Variants in CRTAC1 observed in about 807,000 individuals in gnomAD.
The protein encoded by CRTAC1 is acidic secreted protein in cartilage.
Under a neutral mutation model 67.8 loss-of-function variants are expected in CRTAC1, and 37 were observed. The ratio of observed to expected loss-of-function variants is 0.55; its 90% CI spans 0.42 to 0.72. The LOEUF (loss-of-function observed/expected upper bound fraction) is 0.72. Ranked by LOEUF, CRTAC1 falls within the 30% of genes least tolerant of loss-of-function variation. The probability of loss-of-function intolerance (pLI) is 0.00; values close to 1 mark genes in which losing one functional copy is unlikely to be tolerated. For missense variants in CRTAC1, 780 were observed against 931.6 expected, an observed-to-expected ratio of 0.84 and a Z score of 2.12; for synonymous variants, 348 against 371.0, an observed-to-expected ratio of 0.94 and a Z score of 0.71.
chr10:97,963,927 C>A (rs532075455), intron 2 of CRTAC1, among the ~76,000 whole-genome samples: 1 of 152,160 alleles, frequency 6.6e-6, no homozygotes, highest in East Asian at 1.9e-4. Flanking sequence ...GGAGTTCAAA[C>A]CCAGGTTTGT....
intron 2 of CRTAC1, among the ~76,000 whole-genome samples, chr10:97,989,682 C>A (rs1319346605): frequency 6.6e-6 from 1 of 152,198 alleles, no homozygotes; most frequent in Non-Finnish European, 1.5e-5. Flanking sequence ...TATTGGAGAA[C>A]TTTAATACCG....
rs1843320223 is a variant in CRTAC1, at chr10:98,029,543, T to G, written c.24+906A>C. On this transcript the variant is annotated intron_variant, in intron 1 of 14. Coordinates refer to ENST00000370597, the MANE Select transcript of CRTAC1 (RefSeq NM_018058.7). The surrounding 1 kb of genome is among the most constrained non-coding windows in gnomAD (Gnocchi z 4.7). Reference sequence around the variant, plus strand: ...GGCGGCGGCGGCAGCAGCAGCAATATTCATTAGTCATTCCTGGAGGAAGCC... The same window carrying G: ...GGCGGCGGCGGCAGCAGCAGCAATAGTCATTAGTCATTCCTGGAGGAAGCC... 7.7e-6 allele frequency among the ~76,000 whole-genome samples: 1 copy of G among 129,910 alleles called. No individual in the cohort carries two copies. The highest frequency in any genetic ancestry group is 2.7e-5 in the African/African-American group (1 of 36,440). 85.2% of individuals were successfully genotyped at this position (129,910 alleles called of 152,430 possible).
At chr10:97,942,924 T>C (rs1413343644) in intron 2 of CRTAC1, among the ~76,000 whole-genome samples, 2 of 151,854 alleles carry the variant, frequency 1.3e-5, no homozygotes, top group African/African-American at 4.8e-5. Flanking sequence ...ATAAAAAATT[T>C]AGCCGGGTGT....
intron 3 of CRTAC1, among the ~76,000 whole-genome samples, chr10:97,932,348 A>G (rs2136608846): frequency 1.3e-5 from 2 of 152,232 alleles, no homozygotes; most frequent in South Asian, 4.1e-4. Context: ...TGTTCATTCA[A>G]AAATACGTAT....
chr10:97,884,548 G>C (rs953062852), intron 11 of CRTAC1, 197 bp from the exon 12 acceptor site: 2 of 596,526 alleles, frequency 3.4e-6, no homozygotes, highest in Non-Finnish European at 5.9e-6. Context: ...CTGTCTGTCT[G>C]CAAGGACAGA....
At chr10:97,910,303 G>A (rs999902241) in intron 5 of CRTAC1, among the ~76,000 whole-genome samples, 2 of 152,166 alleles carry the variant, frequency 1.3e-5, no homozygotes, top group Non-Finnish European at 2.9e-5. Context: ...CATGTTGTAC[G>A]ATGAGCTGTA....
intron 1 of CRTAC1, among the ~76,000 whole-genome samples, chr10:98,021,006 T>TTCAC (rs1237734309): frequency 7.1e-6 from 1 of 141,796 alleles, no homozygotes; most frequent in Non-Finnish European, 1.5e-5. Context: ...GAGGCCACTA[T>TTCAC]TCACTCATTC....
Position 97,882,674 on chromosome 10 carries a change from G to C in CRTAC1, c.1675+112C>G, listed in dbSNP as rs1564875921. The C allele has an allele frequency of 3.6e-6, 4 of 1,112,202 alleles. No individual in the cohort carries two copies. The African/African-American group carries it at 6.1e-5, about 17-fold the overall frequency. 68.9% of individuals were successfully genotyped at this position (1,112,202 alleles called of 1,614,324 possible). A position where few individuals can be genotyped will look rare whatever the true frequency, so the allele number is the denominator to read the frequency against. ...CCCAGGACAAACAACACCCTCCCCT[G>C]TCCTCCTTTCTGCCCCTTGCTTGCA... On this transcript the variant is annotated intron_variant, in intron 13 of 14. Transcript: ENST00000370597.
rs1039828209 is a variant in CRTAC1, at chr10:97,923,347, C to T, written c.475G>A (p.Asp159Asn). 1 of 1,614,036 alleles carries T rather than the reference C, an allele frequency of 6.2e-7. No individual in the cohort carries two copies. The highest frequency in any genetic ancestry group is 8.5e-7 in the Non-Finnish European group (1 of 1,180,036). ...ACGTTGACCTCATCGCTCAGGATGT[C>T]TTCCCACCGGTTATTGCGGAACTTG... is the stretch of plus-strand genomic sequence containing the variant. The part of the protein sequence containing the change: ...LFKFRNNRWE[D>N]ILSDEVNVAR... The change falls in exon 4 of 15, where the codon GAC becomes AAC. Residue 159 changes from aspartate (D) to asparagine (N), a missense_variant. Coordinates refer to ENST00000370597, the MANE Select transcript of CRTAC1 (RefSeq NM_018058.7).
At chr10:97,959,900 G>A (rs960723845) in intron 2 of CRTAC1, among the ~76,000 whole-genome samples, 24 of 152,224 alleles carry the variant, frequency 1.6e-4, no homozygotes, top group African/African-American at 5.1e-4. Flanking sequence ...ACCCAGCAAC[G>A]AGTTGTGACA....
At position 97,884,276 on chromosome 10, in the gene CRTAC1, T is replaced by G; in HGVS notation, c.1562A>C (p.Glu521Ala). 1 of 1,559,318 alleles carries G rather than the reference T, an allele frequency of 6.4e-7. No individual in the cohort carries two copies. The highest frequency in any genetic ancestry group is 1.2e-5 in the South Asian group (1 of 84,700). Reference sequence around the variant, plus strand: ...GAGGATCTCCAGCACTGAGTTCATCTCCCCGCTGGCCACGTTCCGGCTCAC... The same window carrying G: ...GAGGATCTCCAGCACTGAGTTCATCGCCCCGCTGGCCACGTTCCGGCTCAC... ...KMVSRNVASG[E>A]MNSVLEILYP... The change falls in exon 12 of 15, where the codon GAG becomes GCG. Residue 521 changes from glutamate to alanine, a missense_variant. Transcript: ENST00000370597.
chr10:98,019,885 G>C (rs1843080343), intron 1 of CRTAC1, among the ~76,000 whole-genome samples: 3 of 152,182 alleles, frequency 2.0e-5, no homozygotes. Flanking sequence ...CTTTCTCTTA[G>C]TTGGCCCTGA....
At chr10:97,917,732 G>C (rs1226769284) in intron 4 of CRTAC1, 76 bp from the exon 5 acceptor site, 5 of 1,234,138 alleles carry the variant, frequency 4.1e-6, no homozygotes, top group Non-Finnish European at 5.5e-6. Context: ...CCCACCCCAG[G>C]TAGGACCATA....
intron 3 of CRTAC1, among the ~76,000 whole-genome samples, chr10:97,933,535 G>T (rs2051034327): frequency 6.6e-6 from 1 of 152,248 alleles, no homozygotes; most frequent in African/African-American, 2.4e-5. Context: ...TGGGGCCAAA[G>T]GGGGCCACAA....
At chr10:97,952,738 G>A (rs531562038) in intron 2 of CRTAC1, among the ~76,000 whole-genome samples, 1 of 152,202 alleles carries the variant, frequency 6.6e-6, no homozygotes, top group East Asian at 1.9e-4. Flanking sequence ...GACACATGGT[G>A]CTTTGAGTCT....
At chr10:97,878,586 C>T (rs2050173226) in intron 14 of CRTAC1, 5 of 1,298,800 alleles carry the variant, frequency 3.8e-6, no homozygotes, top group African/African-American at 1.5e-5. Context: ...TGAGGCTGGT[C>T]GTGAGCATAT....
chr10:97,967,294 T>C (rs73334611), intron 2 of CRTAC1, among the ~76,000 whole-genome samples: 6,587 of 152,266 alleles, frequency 0.043, 480 homozygotes, highest in African/African-American at 0.15. Context: ...TTCAGTTAGC[T>C]CCTCTGTCTC....
At chr10:97,978,644 G>A (rs1025576629) in intron 2 of CRTAC1, among the ~76,000 whole-genome samples, 7 of 152,122 alleles carry the variant, frequency 4.6e-5, no homozygotes, top group African/African-American at 1.2e-4. Flanking sequence ...TTGACATAGG[G>A]ACTCTTCTCC....
chr10:97,939,561 A>T (rs981893494), intron 2 of CRTAC1, among the ~76,000 whole-genome samples: 5 of 152,180 alleles, frequency 3.3e-5, no homozygotes, highest in South Asian at 4.2e-4. Flanking sequence ...TGGAGTTGCC[A>T]CTTCCTCCTT....
Sources: gnomAD v4.1 joint callset for allele counts (sites outside exome capture counted in the v4.1 genomes callset) on GRCh38, gnomAD v4.1.1 for gene constraint, Gnocchi (gnomAD v3.1) non-coding constraint, MANE v1.5 for transcripts, NCBI Gene and HGNC (gene_info 2026-07-23, HGNC 2026-07-21) for gene names.